Variants in CCDC73 observed in about 807,000 individuals in gnomAD.
CCDC73 encodes the protein coiled-coil domain-containing protein 73.
A neutral mutation model predicts 116.5 loss-of-function variants in CCDC73; 95 were observed. That is an observed-to-expected ratio of 0.82 (90% CI 0.69 to 0.97). The LOEUF (loss-of-function observed/expected upper bound fraction) is 0.97, where lower values mean the gene tolerates loss of function less well. Ranked by LOEUF, CCDC73 falls within the 50% of genes least tolerant of loss-of-function variation. The pLI is 0.00. For synonymous variants in CCDC73, 398 were observed against 401.3 expected (o/e 0.99, Z 0.10); for missense variants, 1,066 against 1,206.8 (o/e 0.88, Z 1.73).
chr11:32,723,979 A>C (rs1262651341), intron 2 of CCDC73, among the ~76,000 whole-genome samples: 1 of 152,158 alleles, frequency 6.6e-6, no homozygotes, highest in East Asian at 1.9e-4. Flanking sequence ...AAAGTTAATA[A>C]AATCCTACTC....
intron 12 of CCDC73, among the ~76,000 whole-genome samples, chr11:32,649,466 G>A (rs936373051): frequency 3.3e-5 from 5 of 152,240 alleles, no homozygotes; most frequent in East Asian, 3.9e-4. Context: ...TACTAGAAAA[G>A]TAAGACAGAT....
chr11:32,726,819 A>G (rs1850033599), intron 2 of CCDC73, among the ~76,000 whole-genome samples: 1 of 152,202 alleles, frequency 6.6e-6, no homozygotes, highest in Admixed American at 6.5e-5. Context: ...AAATATTCTT[A>G]AAAGAAGTAT....
At chr11:32,750,140 G>A (rs1448801383) in intron 2 of CCDC73, among the ~76,000 whole-genome samples, 1 of 152,204 alleles carries the variant, frequency 6.6e-6, no homozygotes, top group Non-Finnish European at 1.5e-5. Context: ...AAAATGCTGG[G>A]ATTACAGGCG....
intron 9 of CCDC73, among the ~76,000 whole-genome samples, chr11:32,663,617 A>G (rs1440716011): frequency 6.6e-6 from 1 of 152,184 alleles, no homozygotes; most frequent in African/African-American, 2.4e-5. Flanking sequence ...CAGTCATGTC[A>G]TCTGCAAACA....
chr11:32,686,228 A>AC (rs1856199296), intron 6 of CCDC73, among the ~76,000 whole-genome samples: 3 of 151,040 alleles, frequency 2.0e-5, no homozygotes, highest in Non-Finnish European at 3.0e-5. Context: ...AAAAAAAAAA[A>AC]AAACCAGTAA....
At chr11:32,619,953 AG>A (rs1159622515) in intron 14 of CCDC73, among the ~76,000 whole-genome samples, 2 of 152,154 alleles carry the variant, frequency 1.3e-5, no homozygotes, top group Non-Finnish European at 2.9e-5. Flanking sequence ...TGAGAGGAAA[AG>A]AAAATAAAGG....
chr11:32,685,035 G>C (rs1295577890), intron 6 of CCDC73, among the ~76,000 whole-genome samples: 1 of 152,054 alleles, frequency 6.6e-6, no homozygotes, highest in Non-Finnish European at 1.5e-5. Context: ...AGCCATGTAT[G>C]AGTGTTCATC....
chr11:32,806,894 A>T, the CCDC73 span, among the ~76,000 whole-genome samples: 1 of 152,210 alleles, frequency 6.6e-6, no homozygotes, highest in Admixed American at 6.5e-5. Context: ...GCGGTTTGCC[A>T]CTGCTACTAT....
At chr11:32,722,474 A>G (rs966257600) in intron 2 of CCDC73, among the ~76,000 whole-genome samples, 4 of 152,170 alleles carry the variant, frequency 2.6e-5, no homozygotes, top group Non-Finnish European at 4.4e-5. Flanking sequence ...GGTGGACCCT[A>G]TGACACATTT....
intron 2 of CCDC73, among the ~76,000 whole-genome samples, chr11:32,721,661 TCA>T (rs1189722628): frequency 6.6e-6 from 1 of 151,452 alleles, no homozygotes; most frequent in Non-Finnish European, 1.5e-5. Context: ...TGGTGCGATC[TCA>T]GTTCACTGCA....
intron 6 of CCDC73, among the ~76,000 whole-genome samples, chr11:32,690,222 A>C (rs974870652): frequency 6.6e-6 from 1 of 152,210 alleles, no homozygotes; most frequent in African/African-American, 2.4e-5. Flanking sequence ...CTCTTAAATT[A>C]TAAGAAAAGA....
chr11:32,759,344 T>C (rs75406957), intron 2 of CCDC73, among the ~76,000 whole-genome samples: 1 of 150,504 alleles, frequency 6.6e-6, no homozygotes, highest in Non-Finnish European at 1.5e-5. Context: ...TTTTTTTTTT[T>C]TCTTGAGATA....
At chr11:32,722,773 TGAG>T (rs1306402342) in intron 2 of CCDC73, among the ~76,000 whole-genome samples, 1 of 152,214 alleles carries the variant, frequency 6.6e-6, no homozygotes, top group Non-Finnish European at 1.5e-5. Context: ...GAGTGGGTTC[TGAG>T]GCCTTACCAT....
At chr11:32,789,812 T>C (rs1850660103) in intron 1 of CCDC73, among the ~76,000 whole-genome samples, 2 of 152,082 alleles carry the variant, frequency 1.3e-5, no homozygotes, top group South Asian at 4.1e-4. Context: ...CAAGGAACTC[T>C]AGTAGAGAGA....
chr11:32,806,706 TC>T, the CCDC73 span, among the ~76,000 whole-genome samples: 7 of 151,592 alleles, frequency 4.6e-5, no homozygotes, highest in African/African-American at 1.5e-4. Flanking sequence ...GTGGTTAGCC[TC>T]CCCAGGTCCA....
intron 5 of CCDC73, among the ~76,000 whole-genome samples, chr11:32,699,883 T>A (rs113638220): frequency 0.25 from 4,813 of 19,388 alleles, 261 homozygotes; most frequent in African/African-American, 0.41. Flanking sequence ...TTAAAAAATA[T>A]ATATATATAT....
At chr11:32,695,775 A>G (rs1378083711) in intron 6 of CCDC73, among the ~76,000 whole-genome samples, 1 of 39,554 alleles carries the variant, frequency 2.5e-5, no homozygotes, top group Non-Finnish European at 4.8e-5. Flanking sequence ...GTTTGGTTGT[A>G]AAAAAAAAAA....
intron 2 of CCDC73, among the ~76,000 whole-genome samples, chr11:32,741,488 A>G (rs966041112): frequency 6.6e-6 from 1 of 152,072 alleles, no homozygotes; most frequent in Admixed American, 6.6e-5. Context: ...TGTCTGATAT[A>G]AATATAGCTA....
the CCDC73 span, among the ~76,000 whole-genome samples, chr11:32,804,472 C>T: frequency 6.6e-6 from 1 of 152,166 alleles, no homozygotes; most frequent in Non-Finnish European, 1.5e-5. Context: ...CAGGAGTTTT[C>T]TTTACAAACT....
Sources: gnomAD v4.1 joint callset for allele counts (sites outside exome capture counted in the v4.1 genomes callset) on GRCh38, gnomAD v4.1.1 for gene constraint, MANE v1.5 for transcripts, NCBI Gene and HGNC (gene_info 2026-07-23, HGNC 2026-07-21) for gene names.